Variants in FBXL17 observed in about 807,000 individuals in gnomAD.
FBXL17 encodes the protein F-box and leucine rich repeat protein 17.
A neutral mutation model predicts 66.2 loss-of-function variants in FBXL17; 22 were observed. That is an observed-to-expected ratio of 0.33 (90% confidence interval 0.24 to 0.47). The LOEUF is 0.47. Ranked by LOEUF, FBXL17 falls within the 20% of genes least tolerant of loss-of-function variation. FBXL17 has a pLI of 1.00. For synonymous variants in FBXL17, 474 were observed against 400.5 expected (o/e 1.18, Z -2.19); for missense variants, 878 against 948.2 (o/e 0.93, Z 0.97).
At chr5:107,916,825 G>T (rs562970756) in intron 7 of FBXL17, among the ~76,000 whole-genome samples, 1 of 152,194 alleles carries the variant, frequency 6.6e-6, no homozygotes, top group Non-Finnish European at 1.5e-5. Context: ...CAGACTGAAT[G>T]AGAAAATGCC....
At chr5:108,141,054 T>C (rs927319720) in intron 6 of FBXL17, among the ~76,000 whole-genome samples, 1 of 152,140 alleles carries the variant, frequency 6.6e-6, no homozygotes, top group Admixed American at 6.5e-5. Context: ...CATTCCCCTA[T>C]TCAGAGTTTC....
intron 7 of FBXL17, among the ~76,000 whole-genome samples, chr5:107,957,717 C>G (rs1751718667): frequency 6.6e-6 from 1 of 152,162 alleles, no homozygotes; most frequent in Admixed American, 6.5e-5. Context: ...CTGACATACA[C>G]ACATAGAAAA....
At chr5:107,994,363 G>C (rs896594726) in intron 7 of FBXL17, among the ~76,000 whole-genome samples, 5 of 151,770 alleles carry the variant, frequency 3.3e-5, no homozygotes, top group African/African-American at 1.2e-4. Context: ...AGAATAATTT[G>C]TGGTAGGGCA....
chr5:108,344,515 A>T (rs990238824), intron 4 of FBXL17, among the ~76,000 whole-genome samples: 3 of 152,200 alleles, frequency 2.0e-5, no homozygotes, highest in African/African-American at 7.2e-5. Flanking sequence ...GGCCAAACAC[A>T]CACATAACGC....
At chr5:108,266,354 C>G (rs1757044955) in intron 4 of FBXL17, among the ~76,000 whole-genome samples, 1 of 151,544 alleles carries the variant, frequency 6.6e-6, no homozygotes, top group Non-Finnish European at 1.5e-5. Context: ...ACTCTGAATA[C>G]CAAGTATCAT....
chr5:108,279,208 C>T (rs187057653), intron 4 of FBXL17, among the ~76,000 whole-genome samples: 3 of 152,112 alleles, frequency 2.0e-5, no homozygotes, highest in African/African-American at 7.2e-5. Context: ...GCTATTACAA[C>T]CAACATTCAA....
At chr5:108,004,186 C>A (rs931714205) in intron 7 of FBXL17, among the ~76,000 whole-genome samples, 1 of 152,050 alleles carries the variant, frequency 6.6e-6, no homozygotes, top group Non-Finnish European at 1.5e-5. Context: ...AAATTTAATT[C>A]CTAAATTGTA....
intron 4 of FBXL17, among the ~76,000 whole-genome samples, chr5:108,333,996 A>C (rs1469886649): frequency 6.6e-6 from 1 of 152,202 alleles, no homozygotes; most frequent in Non-Finnish European, 1.5e-5. Context: ...TTACAATTAG[A>C]AGCTTGAGAA....
intron 4 of FBXL17, among the ~76,000 whole-genome samples, chr5:108,231,551 T>C (rs758579941): frequency 2.0e-5 from 3 of 152,156 alleles, no homozygotes; most frequent in Admixed American, 6.5e-5. Flanking sequence ...TAGCAAAATG[T>C]GTGCTTCCTG....
chr5:108,181,991 A>T (rs921669554), intron 6 of FBXL17, among the ~76,000 whole-genome samples: 2 of 152,174 alleles, frequency 1.3e-5, no homozygotes, highest in African/African-American at 4.8e-5. Flanking sequence ...CCCCTGAACA[A>T]AAGACGTTGA....
intron 7 of FBXL17, among the ~76,000 whole-genome samples, chr5:107,977,867 G>A (rs1388304871): frequency 6.6e-6 from 1 of 152,152 alleles, no homozygotes; most frequent in Non-Finnish European, 1.5e-5. Flanking sequence ...TTAAAGGAGG[G>A]GCTGGGAGGA....
At chr5:108,320,553 T>C (rs1759570608) in intron 4 of FBXL17, among the ~76,000 whole-genome samples, 2 of 151,858 alleles carry the variant, frequency 1.3e-5, no homozygotes, top group African/African-American at 4.8e-5. Context: ...TGAAAATGTT[T>C]TAAATGAAAT....
intron 7 of FBXL17, among the ~76,000 whole-genome samples, chr5:107,884,726 T>G (rs1748905400): frequency 6.6e-6 from 1 of 152,196 alleles, no homozygotes; most frequent in Non-Finnish European, 1.5e-5. Context: ...CGGGATCACA[T>G]TTAACTTTTC....
chr5:108,125,551 T>C (rs1248894213), intron 6 of FBXL17, among the ~76,000 whole-genome samples: 1 of 152,124 alleles, frequency 6.6e-6, no homozygotes, highest in Non-Finnish European at 1.5e-5. Flanking sequence ...TTATATTTTA[T>C]GTATTAGTAA....
intron 6 of FBXL17, among the ~76,000 whole-genome samples, chr5:108,112,744 T>C (rs1281861497): frequency 1.3e-5 from 2 of 152,150 alleles, no homozygotes; most frequent in African/African-American, 4.8e-5. Flanking sequence ...AAGAGTGAAA[T>C]GAAAGTTGTA....
chr5:108,311,954 C>T (rs921225126), intron 4 of FBXL17, among the ~76,000 whole-genome samples: 1 of 152,154 alleles, frequency 6.6e-6, no homozygotes, highest in African/African-American at 2.4e-5. Flanking sequence ...AAAACCTATT[C>T]TCCAGACCCT....
intron 7 of FBXL17, among the ~76,000 whole-genome samples, chr5:107,924,760 G>A (rs1198316416): frequency 6.6e-6 from 1 of 152,170 alleles, no homozygotes; most frequent in East Asian, 1.9e-4. Flanking sequence ...CAGATGATCT[G>A]TTTTAAATTG....
intron 6 of FBXL17, among the ~76,000 whole-genome samples, chr5:108,103,078 G>A (rs1166377432): frequency 1.3e-5 from 2 of 152,172 alleles, no homozygotes; most frequent in African/African-American, 4.8e-5. Flanking sequence ...ATAACATCTT[G>A]TGAAGCTTTA....
At position 108,137,877 on chromosome 5, in the gene FBXL17, T is replaced by C. The variant is rs149638154; in HGVS notation, c.1745+48240A>G. ...ACTGGATGAGTTGCTAAGAAATACA[T>C]TATCTATGCCTAGACTATCGATAAT... On this transcript the variant is annotated intron_variant, in intron 6 of 8. Coordinates refer to ENST00000542267, the MANE Select transcript of FBXL17 (RefSeq NM_001163315.3). Among the ~76,000 whole-genome samples, 626 of 152,308 alleles carry C rather than the reference T, an allele frequency of 4.1e-3. 3 individuals carry two copies. The highest frequency in any genetic ancestry group is 0.014 in the African/African-American group (598 of 41,570).
Sources: allele counts gnomAD v4.1 joint callset (sites outside exome capture counted in the v4.1 genomes callset), GRCh38; gene constraint gnomAD v4.1.1; transcripts MANE v1.5; gene names NCBI Gene and HGNC (gene_info 2026-07-23, HGNC 2026-07-21).